The following FMN1 variants were observed in gnomAD, a reference collection of about 807,000 sequenced individuals.
The protein encoded by FMN1 is formin 1, also known as formin-1.
FMN1 carries 110 observed loss-of-function variants against 132.4 expected under a neutral mutation model. The observed-to-expected ratio is 0.83, with a 90% CI of 0.71 to 0.97. The LOEUF is 0.97. Among genes scored for constraint, FMN1 ranks in the 50% least tolerant of loss-of-function variants. The pLI, the probability that FMN1 is intolerant of heterozygous loss-of-function variation, is 0.00. For missense variants in FMN1, 1,792 were observed against 1,705.3 expected (o/e 1.05, Z -0.90); for synonymous variants, 722 against 651.7 (o/e 1.11, Z -1.64).
At chr15:33,129,787 A>ATTTTTT (rs61564380) in intron 4 of FMN1, among the ~76,000 whole-genome samples, 1 of 121,754 alleles carries the variant, frequency 8.2e-6, no homozygotes, top group Non-Finnish European at 1.7e-5. Flanking sequence ...TTGACTAGCA[A>ATTTTTT]TTTTTTTTTT....
rs756719597 is a variant in FMN1, at chr15:32,898,878, G to C, written c.3670C>G (p.Leu1224Val). Residue 1224 changes from leucine (L) to valine (V), a missense_variant, in exon 15 of 21, where the codon CTG (leucine) becomes GTG (valine). By Grantham distance (32) the Leu-to-Val change is conservative. Around this residue, in one of 3 missense-constraint regions of FMN1, gnomAD observed 1,150 missense variants for 1,043.1 expected, o/e 1.10. Transcript: ENST00000616417. ...DVKSRDNGIN[L>V]VDYVVKYYLR... ...TAATACTTAACAACGTAGTCCACCAGATTAATCCCATTATCCTAGGTTTAA... is the reference window on the plus strand; with the variant it reads ...TAATACTTAACAACGTAGTCCACCACATTAATCCCATTATCCTAGGTTTAA... 6.3e-7 allele frequency: 1 copy of C among 1,595,608 alleles called. No homozygotes were observed. The highest frequency in any genetic ancestry group is 8.6e-7 in the Non-Finnish European group (1 of 1,165,156).
intron 3 of FMN1, among the ~76,000 whole-genome samples, chr15:33,169,419 A>T (rs1308013170): frequency 6.6e-6 from 1 of 152,176 alleles, no homozygotes; most frequent in Non-Finnish European, 1.5e-5. Flanking sequence ...CATTGCTAAA[A>T]CTTCAAATTT....
chr15:32,899,874 G>A, intron 14 of FMN1, 105 bp downstream of exon 14: 8 of 1,088,862 alleles, frequency 7.3e-6, no homozygotes, highest in Non-Finnish European at 1.1e-5. Context: ...GTTGTTAAGG[G>A]GAGGATAGAG....
chr15:33,010,058 A>G lies in FMN1; in HGVS notation c.2162-1983T>C, dbSNP rs1596463034. Among the ~76,000 whole-genome samples the G allele has an allele frequency of 5.9e-5, 9 of 152,118 alleles. No homozygotes were observed. The East Asian group carries it at 1.7e-3, about 29-fold the overall frequency. On this transcript the variant is annotated intron_variant, in intron 6 of 20. Transcript: ENST00000616417. Reference sequence around the variant, plus strand: ...ACCACCATGCCCAGCTAATTTTTGTATTTTTAGTAGAGACAGGGTTTTACT... The same window carrying G: ...ACCACCATGCCCAGCTAATTTTTGTGTTTTTAGTAGAGACAGGGTTTTACT...
chr15:33,125,116 T>C (rs963403455), intron 4 of FMN1, among the ~76,000 whole-genome samples: 1 of 152,172 alleles, frequency 6.6e-6, no homozygotes, highest in Non-Finnish European at 1.5e-5. Context: ...CCTTAGAACA[T>C]TACATCTAGG....
intron 4 of FMN1, among the ~76,000 whole-genome samples, chr15:33,119,190 TG>T (rs1363601586): frequency 2.6e-5 from 4 of 152,168 alleles, no homozygotes; most frequent in African/African-American, 4.8e-5. Flanking sequence ...CTATGTTCAA[TG>T]AACACCCTTC....
chr15:33,120,032 T>A (rs893568328), intron 4 of FMN1, among the ~76,000 whole-genome samples: 2 of 152,098 alleles, frequency 1.3e-5, no homozygotes, highest in African/African-American at 4.8e-5. Flanking sequence ...TTTTAACAGG[T>A]GGGGAAACTA....
intron 7 of FMN1, 29 bp from the exon 8 acceptor site, chr15:32,969,506 T>A: frequency 6.2e-7 from 1 of 1,603,580 alleles, no homozygotes; most frequent in Non-Finnish European, 8.5e-7. Context: ...GGAAAGAAAG[T>A]AATGAGTTTA....
chr15:33,176,505 CCAAAAAAA>C (rs1413308769), intron 3 of FMN1, among the ~76,000 whole-genome samples: 2 of 49,682 alleles, frequency 4.0e-5, no homozygotes, highest in Non-Finnish European at 3.7e-5. Context: ...GACCCTGTCT[CCAAAAAAA>C]AAAAAAAAAA....
intron 6 of FMN1, among the ~76,000 whole-genome samples, chr15:33,037,632 AG>A (rs2036247973): frequency 6.6e-6 from 1 of 152,230 alleles, no homozygotes; most frequent in Non-Finnish European, 1.5e-5. Flanking sequence ...ACACTTTTGT[AG>A]AAAGGAGCCA....
rs1962365150 is a variant in FMN1, at chr15:33,119,639, T to G, written c.1868-30665A>C. 2.0e-5 allele frequency among the ~76,000 whole-genome samples: 3 copies of G among 152,348 alleles called. No individual in the cohort carries two copies. In the South Asian group the frequency reaches 6.2e-4, roughly 32 times the overall value. On this transcript the variant is annotated intron_variant, in intron 4 of 20. Coordinates refer to ENST00000616417, the MANE Select transcript of FMN1 (RefSeq NM_001277313.2). ...TTCTTTCTCTTTCAAGGGATAGAAG[T>G]GATCACTCTGTTTTACAAAAGATGT...
intron 9 of FMN1, among the ~76,000 whole-genome samples, chr15:32,944,586 ATC>A (rs1330492438): frequency 1.3e-5 from 2 of 152,134 alleles, no homozygotes; most frequent in Non-Finnish European, 2.9e-5. Context: ...TACTTTAAGG[ATC>A]TAGGCTCTTC....
intron 5 of FMN1, among the ~76,000 whole-genome samples, chr15:33,069,456 G>T (rs2037897728): frequency 6.6e-6 from 1 of 152,152 alleles, no homozygotes; most frequent in African/African-American, 2.4e-5. Flanking sequence ...AGAAGATTGT[G>T]GTCAAGTGTT....
intron 4 of FMN1, among the ~76,000 whole-genome samples, chr15:33,091,270 GAAACACACATGCATGCATATTTATGC>G (rs1293163016): frequency 3.3e-5 from 5 of 152,254 alleles, no homozygotes; most frequent in African/African-American, 9.6e-5. Flanking sequence ...TGGGGTCCTT[GAAACACACATGCATGCATATTTATGC>G]AAACACACAT....
intron 10 of FMN1, among the ~76,000 whole-genome samples, chr15:32,914,859 G>A (rs1328023830): frequency 6.6e-6 from 1 of 152,198 alleles, no homozygotes; most frequent in African/African-American, 2.4e-5. Flanking sequence ...TCTAAGAGGT[G>A]AGCATGACTA....
At chr15:33,000,992 T>G (rs1212825037) in intron 7 of FMN1, among the ~76,000 whole-genome samples, 2 of 152,102 alleles carry the variant, frequency 1.3e-5, no homozygotes, top group African/African-American at 4.8e-5. Flanking sequence ...CCTTAAAGAA[T>G]AAATCCACGG....
chr15:33,030,632 C>T (rs1459954374), intron 6 of FMN1, among the ~76,000 whole-genome samples: 1 of 152,126 alleles, frequency 6.6e-6, no homozygotes, highest in Non-Finnish European at 1.5e-5. Flanking sequence ...TGCCCTATTT[C>T]TTCATATACA....
intron 4 of FMN1, among the ~76,000 whole-genome samples, chr15:33,116,572 CG>C (rs1254707879): frequency 6.6e-6 from 1 of 151,856 alleles, no homozygotes; most frequent in African/African-American, 2.4e-5. Context: ...TTTAGTTTGT[CG>C]AAAGTTTTTT....
At chr15:33,183,116 A>G (rs891810575) in intron 2 of FMN1, among the ~76,000 whole-genome samples, 8 of 152,180 alleles carry the variant, frequency 5.3e-5, no homozygotes, top group African/African-American at 1.7e-4. Context: ...TCTTTCCTCT[A>G]TTACTTCCAC....
Sources: gnomAD v4.1 joint callset for allele counts (sites outside exome capture counted in the v4.1 genomes callset) on GRCh38, gnomAD v4.1.1 for gene constraint, gnomAD v4.1.1 regional missense constraint, MANE v1.5 for transcripts, NCBI Gene and HGNC (gene_info 2026-07-23, HGNC 2026-07-21) for gene names.